The following NBPF8 variants were observed in gnomAD, a reference collection of about 807,000 sequenced individuals.
The protein encoded by NBPF8 is NBPF member 8.
intron 20 of NBPF8, 144 bp downstream of exon 18, chr1:120,462,341 G>C: frequency 2.9e-6 from 2 of 692,314 alleles, no homozygotes; most frequent in South Asian, 3.0e-5. Flanking sequence ...TTTCATTGCA[G>C]AAGATGTTTA....
In NBPF8 at chr1:120,464,626, A is replaced by C. The variant is rs1331942272; in HGVS notation, n.3459+78A>C. The C allele has an allele frequency of 1.3e-4, 103 of 766,138 alleles. 1 individual carries two copies. The highest frequency in any genetic ancestry group is 2.3e-4 in the Non-Finnish European group (95 of 419,410). 47.5% of individuals were successfully genotyped at this position (766,138 alleles called of 1,614,324 possible). On this transcript the variant is annotated intron_variant and non_coding_transcript_variant, in intron 23 of 24. Coordinates refer to ENST00000583271, the Ensembl canonical transcript of NBPF8. ...GATCATGTTCCTGCTCCAAGTGGCCATTACTGAGCTGAGAGATGTCATTGC... is the reference window on the plus strand; with the variant it reads ...GATCATGTTCCTGCTCCAAGTGGCCCTTACTGAGCTGAGAGATGTCATTGC...
At chr1:120,434,737 A>G (rs1472450334), upstream of NBPF8, among the ~76,000 whole-genome samples, 4 of 141,816 alleles carry the variant, frequency 2.8e-5, no homozygotes, top group Non-Finnish European at 6.1e-5. Flanking sequence ...ACCACTCTCC[A>G]TCATATGTTG....
At chr1:120,449,456 C>G in intron 11 of NBPF8, 54 bp downstream of exon 9, 4 of 1,272,008 alleles carry the variant, frequency 3.1e-6, no homozygotes, top group Non-Finnish European at 4.6e-6. Context: ...CCTGTCTTCT[C>G]TCTGAGACAC....
intron 17 of NBPF8, among the ~76,000 whole-genome samples, chr1:120,460,085 C>T (rs1413098619): frequency 6.6e-6 from 1 of 152,298 alleles, no homozygotes; most frequent in Non-Finnish European, 1.5e-5. Context: ...AGATAAATGG[C>T]TGACTTTTCA....
chr1:120,415,199 G>C (rs1432350251), upstream of NBPF8, among the ~76,000 whole-genome samples: 1 of 152,204 alleles, frequency 6.6e-6, no homozygotes, highest in Non-Finnish European at 1.5e-5. Context: ...CGCCAGGAGC[G>C]GGCCGAGGCG....
chr1:120,459,684 A>G (rs1226368705), intron 17 of NBPF8, among the ~76,000 whole-genome samples, 154 bp downstream of exon 15: 5 of 151,510 alleles, frequency 3.3e-5, no homozygotes, highest in Admixed American at 1.3e-4. Context: ...TCTGGAGTCG[A>G]GTCTGAAGCA....
intron 15 of NBPF8, among the ~76,000 whole-genome samples, 184 bp downstream of exon 13, chr1:120,454,298 T>G (rs1487545400): frequency 1.3e-5 from 2 of 152,190 alleles, no homozygotes; most frequent in Admixed American, 6.5e-5. Flanking sequence ...GTCCCCAGTA[T>G]CAAGTTACTC....
chr1:120,433,249 G>A (rs1487912255), upstream of NBPF8: 14 of 152,272 alleles, frequency 9.2e-5, no homozygotes, highest in African/African-American at 3.4e-4. Context: ...CGGTATTGAA[G>A]AAGCAATAAG....
At chr1:120,431,072 T>G (rs1660860807) in intron 3 of NBPF8, among the ~76,000 whole-genome samples, 2 of 148,882 alleles carry the variant, frequency 1.3e-5, no homozygotes, top group Non-Finnish European at 3.0e-5. Flanking sequence ...GTGAATGAAT[T>G]CACTACCTAT....
intron 3 of NBPF8, among the ~76,000 whole-genome samples, chr1:120,428,384 G>A (rs61807950): frequency 9.8e-5 from 15 of 152,288 alleles, no homozygotes; most frequent in South Asian, 8.3e-4. Flanking sequence ...ATCAGAGCCA[G>A]AGGAACATTT....
chr1:120,462,503 C>T (rs1233770465), intron 20 of NBPF8, among the ~76,000 whole-genome samples: 5,872 of 118,526 alleles, frequency 0.05, 215 homozygotes, highest in African/African-American at 0.14. Flanking sequence ...CTGTGTGTCC[C>T]GAGGGCACTA....
exon 22 of NBPF8, chr1:120,463,676 G>C: frequency 7.1e-6 from 1 of 141,664 alleles, no homozygotes; most frequent in Non-Finnish European, 1.3e-5. Flanking sequence ...TGTATTGCAG[G>C]AATTAAAAAG....
At chr1:120,434,340 ATG>A (rs1553247478), upstream of NBPF8, among the ~76,000 whole-genome samples, 3 of 146,908 alleles carry the variant, frequency 2.0e-5, no homozygotes, top group East Asian at 5.9e-4. Flanking sequence ...ATATATATTC[ATG>A]TGTGTGTATA....
At chr1:120,424,451 T>C (rs1273246357) in intron 1 of NBPF8, among the ~76,000 whole-genome samples, 1 of 152,036 alleles carries the variant, frequency 6.6e-6, no homozygotes, top group East Asian at 1.9e-4. Flanking sequence ...GTCTTTATTT[T>C]ATCTTTTTTT....
intron 3 of NBPF8, among the ~76,000 whole-genome samples, chr1:120,431,272 T>C (rs1252839050): frequency 0.016 from 2,247 of 142,250 alleles, 80 homozygotes; most frequent in African/African-American, 0.056. Flanking sequence ...TGTGTGTGTG[T>C]GTGTGTGTGT....
upstream of NBPF8, among the ~76,000 whole-genome samples, chr1:120,431,359 A>AATATATATATATATAT: frequency 2.4e-5 from 1 of 42,050 alleles, no homozygotes; most frequent in East Asian, 3.2e-4. Flanking sequence ...CCAAATAGGG[A>AATATATATATATATAT]ATATATATAT....
intron 15 of NBPF8, 58 bp from the exon 14 acceptor site, chr1:120,455,351 G>C (rs1248266932): frequency 1.4e-6 from 1 of 709,188 alleles, no homozygotes; most frequent in Non-Finnish European, 2.6e-6. Context: ...ACAGTGATTT[G>C]TTCATATGTG....
intron 15 of NBPF8, 120 bp downstream of exon 13, chr1:120,454,234 G>C: frequency 2.0e-6 from 3 of 1,536,116 alleles, no homozygotes; most frequent in Non-Finnish European, 1.8e-6. Context: ...TTTCTAAACA[G>C]ATATCAGGGA....
chr1:120,420,312 C>T (rs1456529923), intron 1 of NBPF8, among the ~76,000 whole-genome samples, 194 bp downstream of exon 2: 3,747 of 151,008 alleles, frequency 0.025, 43 homozygotes, highest in African/African-American at 0.039. Context: ...ACCTGCAGTG[C>T]TGTTGTCAGG....
Sources: gnomAD v4.1 joint callset for allele counts (sites outside exome capture counted in the v4.1 genomes callset) on GRCh38, gnomAD v4.1.1 for gene constraint, MANE v1.5 for transcripts, NCBI Gene and HGNC (gene_info 2026-07-23, HGNC 2026-07-21) for gene names.